Variants in TTBK2 observed in about 807,000 individuals in gnomAD.
TTBK2 encodes the protein tau-tubulin kinase 2.
In TTBK2, 28 loss-of-function variants were observed where a neutral mutation model predicts 110.8. The ratio of observed to expected loss-of-function variants is 0.25; its 90% CI spans 0.19 to 0.35. The LOEUF (loss-of-function observed/expected upper bound fraction) is 0.35, where lower values mean the gene tolerates loss of function less well. Ranked by LOEUF, TTBK2 falls within the 10% of genes least tolerant of loss-of-function variation. The probability of loss-of-function intolerance (pLI) is 1.00; values close to 1 mark genes in which losing one functional copy is unlikely to be tolerated. For missense variants in TTBK2, 1,369 were observed against 1,500.3 expected, an observed-to-expected ratio of 0.91 and a Z score of 1.45; for synonymous variants, 532 against 527.3, an observed-to-expected ratio of 1.01 and a Z score of -0.12.
At chr15:42,770,615 T>C (rs1330176269) in intron 13 of TTBK2, among the ~76,000 whole-genome samples, 1 of 152,172 alleles carries the variant, frequency 6.6e-6, no homozygotes, top group Admixed American at 6.5e-5. Flanking sequence ...TAATATCAAA[T>C]ACAATTACAA....
At chr15:42,805,132 T>C (rs1891404902) in intron 9 of TTBK2, among the ~76,000 whole-genome samples, 1 of 152,200 alleles carries the variant, frequency 6.6e-6, no homozygotes, top group Non-Finnish European at 1.5e-5. Flanking sequence ...GTGCTGGGAA[T>C]ACAAATGTTA....
At chr15:42,813,544 T>C (rs1257804696) in intron 7 of TTBK2, among the ~76,000 whole-genome samples, 1 of 150,564 alleles carries the variant, frequency 6.6e-6, no homozygotes, top group Non-Finnish European at 1.5e-5. Flanking sequence ...AAAATAAAAC[T>C]TTAAAAAGGA....
intron 13 of TTBK2, among the ~76,000 whole-genome samples, chr15:42,759,469 T>C (rs944590835): frequency 1.3e-5 from 2 of 152,178 alleles, no homozygotes; most frequent in African/African-American, 4.8e-5. Flanking sequence ...CATGAGCCCA[T>C]GTCCCTGGCC....
intron 8 of TTBK2, among the ~76,000 whole-genome samples, chr15:42,811,049 G>A (rs1169922906): frequency 6.6e-6 from 1 of 152,148 alleles, no homozygotes; most frequent in Non-Finnish European, 1.5e-5. Context: ...GAAGTGCAAT[G>A]GCATGATCAC....
intron 9 of TTBK2, among the ~76,000 whole-genome samples, chr15:42,796,945 G>T (rs905195477): frequency 6.6e-6 from 1 of 152,186 alleles, no homozygotes; most frequent in Non-Finnish European, 1.5e-5. Flanking sequence ...TAAAATCTGA[G>T]AAATTTTATT....
chr15:42,750,701 A>G (rs2061853941), intron 14 of TTBK2, among the ~76,000 whole-genome samples: 1 of 152,162 alleles, frequency 6.6e-6, no homozygotes, highest in African/African-American at 2.4e-5. Context: ...CTTAAAAAAA[A>G]GAAAAAAAGC....
At chr15:42,811,547 GA>G in intron 8 of TTBK2, 140 bp downstream of exon 8, 1 of 670,556 alleles carries the variant, frequency 1.5e-6, no homozygotes, top group Non-Finnish European at 2.6e-6. Flanking sequence ...AGCTCACACA[GA>G]AAAATACATA....
intron 12 of TTBK2, 83 bp from the exon 13 acceptor site, chr15:42,775,806 T>A: frequency 2.7e-6 from 3 of 1,103,124 alleles, no homozygotes; most frequent in Middle Eastern, 3.0e-4. Flanking sequence ...AGAACTAATA[T>A]GGACACAAAG....
intron 10 of TTBK2, among the ~76,000 whole-genome samples, chr15:42,792,724 C>T (rs1354159925): frequency 6.6e-6 from 1 of 152,168 alleles, no homozygotes; most frequent in African/African-American, 2.4e-5. Context: ...GAGGCAAGAG[C>T]ATGAAAGATA....
intron 4 of TTBK2, among the ~76,000 whole-genome samples, chr15:42,834,728 T>G (rs1466248550): frequency 6.6e-6 from 1 of 151,958 alleles, no homozygotes; most frequent in Non-Finnish European, 1.5e-5. Context: ...AATAAAAAAA[T>G]TCGCTGGGTA....
rs767675900 is a variant in TTBK2 at position 42,777,033 on chromosome 15, G to T, written c.1407C>A (p.Thr469=). The T allele has an allele frequency of 1.5e-5, 25 of 1,613,712 alleles. No homozygotes were observed. The highest frequency in any genetic ancestry group is 5.0e-5 in the Admixed American group (3 of 59,992). Residue 469 remains threonine (T), a splice_region_variant and synonymous_variant, in exon 12 of 15, where the codon ACC becomes ACA. Transcript: ENST00000267890. ...PKPDTDKFLE[T]CLEKMQKDTS... is the part of the protein sequence containing the mutation. ...AAGAAAAATACACTATTTTATACCA[G>T]GTCTCAAGGAACTTGTCAGTGTCTG...
intron 3 of TTBK2, among the ~76,000 whole-genome samples, chr15:42,862,583 T>C (rs1894201557): frequency 6.6e-6 from 1 of 152,020 alleles, no homozygotes; most frequent in African/African-American, 2.4e-5. Flanking sequence ...CAAAAGAACA[T>C]ATCTCAAAAT....
intron 1 of TTBK2, among the ~76,000 whole-genome samples, chr15:42,891,598 A>G (rs1025543289): frequency 2.0e-5 from 3 of 152,110 alleles, no homozygotes; most frequent in Admixed American, 2.0e-4. Context: ...CTGATGTACC[A>G]AGAGGGTGGT....
At chr15:42,815,847 AT>A (rs1284794099) in intron 7 of TTBK2, among the ~76,000 whole-genome samples, 1 of 133,380 alleles carries the variant, frequency 7.5e-6, no homozygotes, top group Non-Finnish European at 1.5e-5. Context: ...TCTCTTCCAA[AT>A]TCTCTCTCTC....
At chr15:42,861,237 G>A (rs1342609347) in intron 3 of TTBK2, among the ~76,000 whole-genome samples, 4 of 152,140 alleles carry the variant, frequency 2.6e-5, no homozygotes, top group South Asian at 2.1e-4. Context: ...ACTTAAACTC[G>A]ACACTCAACC....
intron 3 of TTBK2, among the ~76,000 whole-genome samples, chr15:42,855,841 C>T (rs149534489): frequency 0.021 from 3,270 of 152,210 alleles, 110 homozygotes; most frequent in African/African-American, 0.069. Context: ...CCCGCCACCT[C>T]GCCCGGCTAA....
chr15:42,764,652 C>T (rs556683323), intron 13 of TTBK2, among the ~76,000 whole-genome samples: 167 of 152,376 alleles, frequency 1.1e-3, no homozygotes, highest in Non-Finnish European at 2.0e-3. Flanking sequence ...GGCCTGCTGC[C>T]TCTGTAGACT....
intron 13 of TTBK2, among the ~76,000 whole-genome samples, chr15:42,771,269 G>A (rs536608893): frequency 6.6e-5 from 10 of 152,090 alleles, no homozygotes; most frequent in South Asian, 6.2e-4. Flanking sequence ...CACCACGCCC[G>A]GCCTGAAGCA....
In TTBK2 at chr15:42,741,559, C is replaced by T. The variant is rs1324433123; in HGVS notation, c.*4236G>A. On this transcript the variant is annotated 3_prime_UTR_variant, in exon 15 of 15. Transcript: ENST00000267890. ...CCCCTGAGGCAAAGTCCCGACACAT[C>T]TGTGGTAAGTGCACATAAACAGAAA... 2.0e-5 allele frequency: 3 copies of T among 152,206 alleles called. No homozygotes were observed. Among genetic ancestry groups the T allele is most frequent in the Non-Finnish European group, 2.9e-5 (2 of 68,040 alleles). The allele number at this position is 152,206 out of a possible 1,614,324, so 9.4% of individuals were successfully genotyped here.
Sources: gnomAD v4.1 joint callset for allele counts (sites outside exome capture counted in the v4.1 genomes callset) on GRCh38, gnomAD v4.1.1 for gene constraint, MANE v1.5 for transcripts, NCBI Gene and HGNC (gene_info 2026-07-23, HGNC 2026-07-21) for gene names.